Variants in PCDHGB5 observed in about 807,000 individuals in gnomAD.
PCDHGB5 encodes the protein protocadherin gamma subfamily B, 5.
PCDHGB5 carries 48 observed loss-of-function variants against 62.9 expected under a neutral mutation model. The observed-to-expected ratio is 0.76, with a 90% CI of 0.61 to 0.97. The LOEUF (loss-of-function observed/expected upper bound fraction) is 0.97, where lower values mean the gene tolerates loss of function less well. PCDHGB5 is among the 50% of genes least tolerant of loss of function. The probability of loss-of-function intolerance (pLI) is 0.00; values close to 1 mark genes in which losing one functional copy is unlikely to be tolerated. For synonymous variants in PCDHGB5, 474 were observed against 511.2 expected (o/e 0.93, Z 0.98); for missense variants, 1,118 against 1,198.6 (o/e 0.93, Z 0.99).
chr5:141,400,674 T>A, intron 1 of PCDHGB5, 150 bp downstream of exon 1: 1 of 917,906 alleles, frequency 1.1e-6, no homozygotes, highest in Non-Finnish European at 1.7e-6. Flanking sequence ...AGAGGAGCAG[T>A]AAATTGTGAG....
At chr5:141,472,455 G>A (rs191633108) in intron 1 of PCDHGB5, among the ~76,000 whole-genome samples, 2 of 151,972 alleles carry the variant, frequency 1.3e-5, no homozygotes, top group South Asian at 2.1e-4. Context: ...CAGGAGAATC[G>A]CTTGAACCCA....
At position 141,491,267 on chromosome 5, in the gene PCDHGB5, A is replaced by C. The variant is rs1376540913; in HGVS notation, c.2398-3540A>C. ...GATGAGGACCCTGAGGAAATGCCCA[A>C]ATCCAGTGACTTCCTCATACACCCT... On this transcript the variant is annotated intron_variant, in intron 1 of 3. Coordinates refer to ENST00000617380, the MANE Select transcript of PCDHGB5 (RefSeq NM_018925.3). This position sits in a 1 kb window ranked among gnomAD's most constrained non-coding sequence, Gnocchi z 6.9. The C allele has an allele frequency of 2.5e-6, 4 of 1,613,944 alleles. No individual in the cohort carries two copies. The highest frequency in any genetic ancestry group is 3.4e-6 in the Non-Finnish European group (4 of 1,179,936).
chr5:141,487,275 G>T lies in PCDHGB5; in HGVS notation c.2398-7532G>T, dbSNP rs747253888. 2.5e-6 allele frequency: 4 copies of T among 1,614,158 alleles called. No homozygotes were observed. The highest frequency in any genetic ancestry group is 1.1e-5 in the South Asian group (1 of 91,074). On this transcript the variant is annotated intron_variant, in intron 1 of 3. Coordinates refer to ENST00000617380, the MANE Select transcript of PCDHGB5 (RefSeq NM_018925.3). The surrounding 1 kb of genome is among the most constrained non-coding windows in gnomAD (Gnocchi z 5.0). ...TTGGCTGTGTCCCTAGTGGCAATTT[G>T]CTTTGTCTCCTTTGGCTCATTCGTG...
In PCDHGB5 at chr5:141,476,606, G is replaced by A; in HGVS notation, c.2398-18201G>A. 1 of 1,614,244 alleles carries A rather than the reference G, an allele frequency of 6.2e-7. No homozygotes were observed. Among genetic ancestry groups the A allele is most frequent in the Non-Finnish European group, 8.5e-7 (1 of 1,180,046 alleles). Reference sequence around the variant, plus strand: ...GCTCGAGAGCGCGCACGATCCCGATGTGGGAAGCAACTCTTTACAAACCTA... The same window carrying A: ...GCTCGAGAGCGCGCACGATCCCGATATGGGAAGCAACTCTTTACAAACCTA... On this transcript the variant is annotated intron_variant, in intron 1 of 3. Transcript: ENST00000617380. The surrounding 1 kb of genome is among the most constrained non-coding windows in gnomAD (Gnocchi z 7.6).
Position 141,486,314 on chromosome 5 carries a change from T to C in PCDHGB5, c.2398-8493T>C, listed in dbSNP as rs775833520. The C allele has an allele frequency of 4.5e-5, 72 of 1,613,758 alleles. No homozygotes were observed. The highest frequency in any genetic ancestry group is 5.9e-5 in the Non-Finnish European group (70 of 1,179,984). On this transcript the variant is annotated intron_variant, in intron 1 of 3. Transcript: ENST00000617380. This position sits in a 1 kb window ranked among gnomAD's most constrained non-coding sequence, Gnocchi z 5.0. ...CAGTGTGCAGGATCCAGACTCAGGG[T>C]CAAACGGAGATGTGAGCCTCCGCAT...
rs753954982 is a variant in PCDHGB5 at position 141,478,158 on chromosome 5, C to A, written c.2398-16649C>A. 9 of 1,613,936 alleles carry A rather than the reference C, an allele frequency of 5.6e-6. No individual in the cohort carries two copies. In the African/African-American group the frequency reaches 1.2e-4, roughly 22 times the overall value. On this transcript the variant is annotated intron_variant, in intron 1 of 3. Transcript: ENST00000617380. ...GCCCGAGCCGAGTTCCCCTCTGGCT[C>A]TGCCCCCCGGGAGCAGAAAAAAAAT...
rs367578838 is a variant in PCDHGB5, at chr5:141,432,537, C to A, written c.2397+32013C>A. The A allele has an allele frequency of 5.0e-6, 8 of 1,613,882 alleles. No individual in the cohort carries two copies. Among genetic ancestry groups the A allele is most frequent in the African/African-American group, 1.3e-5 (1 of 74,922 alleles). Reference sequence around the variant, plus strand: ...GGCTACCTGGTGACCAAGGTGGTGGCGGTGGACAGAGACTCCGGCCAGAAC... The same window carrying A: ...GGCTACCTGGTGACCAAGGTGGTGGAGGTGGACAGAGACTCCGGCCAGAAC... On this transcript the variant is annotated intron_variant, in intron 1 of 3. Coordinates refer to ENST00000617380, the MANE Select transcript of PCDHGB5 (RefSeq NM_018925.3). This position sits in a 1 kb window ranked among gnomAD's most constrained non-coding sequence, Gnocchi z 6.0.
rs770249472 is a variant in PCDHGB5, at chr5:141,477,747, C to T, written c.2398-17060C>T. On this transcript the variant is annotated intron_variant, in intron 1 of 3. Transcript: ENST00000617380. The surrounding 1 kb of genome is among the most constrained non-coding windows in gnomAD (Gnocchi z 4.9). ...ACAGCTCATATCAGCGATGGGGGCA[C>T]CCCGGTCCTAGCCACCAACATCAGC... 6.2e-7 allele frequency: 1 copy of T among 1,613,840 alleles called. No individual in the cohort carries two copies. The highest frequency in any genetic ancestry group is 1.7e-5 in the Admixed American group (1 of 60,026).
intron 1 of PCDHGB5, among the ~76,000 whole-genome samples, chr5:141,455,028 G>A (rs2098810519): frequency 6.6e-6 from 1 of 150,780 alleles, no homozygotes; most frequent in Non-Finnish European, 1.5e-5. Flanking sequence ...TAGCCAGGAT[G>A]GTCTCGATCT....
rs750928530 is a variant in PCDHGB5 at position 141,490,174 on chromosome 5, G to T, written c.2398-4633G>T. 1 of 1,614,056 alleles carries T rather than the reference G, an allele frequency of 6.2e-7. No individual in the cohort carries two copies. Among genetic ancestry groups the T allele is most frequent in the South Asian group, 1.1e-5 (1 of 91,086 alleles). ...TGTGTTGGGTCCCATAGACTTTGAG[G>T]AGTCACGTTTCTATGAAATTCATGC... On this transcript the variant is annotated intron_variant, in intron 1 of 3. Transcript: ENST00000617380. This position sits in a 1 kb window ranked among gnomAD's most constrained non-coding sequence, Gnocchi z 5.4.
rs770927016 is a variant in PCDHGB5, at chr5:141,400,032, C to T, written c.1905C>T (p.Arg635=). ...ARALGDRDAA[R]QRLLVAVRDG... Reference sequence around the variant, plus strand: ...CCTTGGGCGACAGGGACGCGGCCCGCCAGCGCCTGCTGGTTGCTGTGCGTG... The same window carrying T: ...CCTTGGGCGACAGGGACGCGGCCCGTCAGCGCCTGCTGGTTGCTGTGCGTG... The change falls in exon 1 of 4, where the codon CGC becomes CGT. Residue 635 remains arginine (R), a synonymous_variant. Transcript: ENST00000617380. 1 of 1,613,282 alleles carries T rather than the reference C, an allele frequency of 6.2e-7. No individual in the cohort carries two copies. Among genetic ancestry groups the T allele is most frequent in the Admixed American group, 1.7e-5 (1 of 60,012 alleles).
intron 1 of PCDHGB5, chr5:141,404,152 T>C (rs769503668): frequency 1.9e-5 from 31 of 1,612,848 alleles, no homozygotes; most frequent in Non-Finnish European, 2.0e-5. Flanking sequence ...CAGAAGAAGA[T>C]TATTACAGAT....
At chr5:141,420,160 T>G in intron 1 of PCDHGB5, 1 of 1,614,044 alleles carries the variant, frequency 6.2e-7, no homozygotes, top group Non-Finnish European at 8.5e-7. Flanking sequence ...AATTTAATTT[T>G]TTCACATCTG....
At chr5:141,482,074 A>G (rs1349748840) in intron 1 of PCDHGB5, among the ~76,000 whole-genome samples, 2 of 142,830 alleles carry the variant, frequency 1.4e-5, no homozygotes, top group Non-Finnish European at 3.0e-5. Context: ...AACAAGAACA[A>G]AACTCACTCC....
intron 1 of PCDHGB5, among the ~76,000 whole-genome samples, chr5:141,492,781 T>C (rs945023154): frequency 9.9e-5 from 15 of 152,194 alleles, no homozygotes; most frequent in African/African-American, 3.6e-4. Flanking sequence ...TGAGTGAGCC[T>C]CTATAGGACA....
chr5:141,475,984 G>A, intron 1 of PCDHGB5: 2 of 1,069,308 alleles, frequency 1.9e-6, no homozygotes, highest in Non-Finnish European at 2.7e-6. Flanking sequence ...AACAGCCGGC[G>A]AGCAAATCAA....
Position 141,413,696 on chromosome 5 carries a change from A to G in PCDHGB5, c.2397+13172A>G, listed in dbSNP as rs753150251. On this transcript the variant is annotated intron_variant, in intron 1 of 3. Coordinates refer to ENST00000617380, the MANE Select transcript of PCDHGB5 (RefSeq NM_018925.3). ...GTGGGCGTGAACTCCCTGCAGAGCTATCAGCTCAGCCCCAATAAGCACTTC... is the reference window on the plus strand; with the variant it reads ...GTGGGCGTGAACTCCCTGCAGAGCTGTCAGCTCAGCCCCAATAAGCACTTC... 3.1e-6 allele frequency: 5 copies of G among 1,613,522 alleles called. No homozygotes were observed. In the Admixed American group the frequency reaches 6.7e-5, roughly 22 times the overall value.
In PCDHGB5 at chr5:141,432,688, A is replaced by T; in HGVS notation, c.2397+32164A>T. 1 of 1,613,896 alleles carries T rather than the reference A, an allele frequency of 6.2e-7. No homozygotes were observed. The highest frequency in any genetic ancestry group is 1.1e-5 in the South Asian group (1 of 91,078). ...GAGACGCGCTCAAGCAGAGCCTCGTAGTGGCCGTCCAGGACCACGGCCAGC... is the reference window on the plus strand; with the variant it reads ...GAGACGCGCTCAAGCAGAGCCTCGTTGTGGCCGTCCAGGACCACGGCCAGC... On this transcript the variant is annotated intron_variant, in intron 1 of 3. Transcript: ENST00000617380. This position sits in a 1 kb window ranked among gnomAD's most constrained non-coding sequence, Gnocchi z 6.0.
intron 1 of PCDHGB5, among the ~76,000 whole-genome samples, chr5:141,492,622 C>A (rs2099742615): frequency 6.6e-6 from 1 of 152,218 alleles, no homozygotes; most frequent in South Asian, 2.1e-4. Flanking sequence ...GCCGGGCGGG[C>A]AGGACTCTAC....
Sources: allele counts gnomAD v4.1 joint callset (sites outside exome capture counted in the v4.1 genomes callset), GRCh38; gene constraint gnomAD v4.1.1; non-coding constraint Gnocchi (gnomAD v3.1); transcripts MANE v1.5; gene names NCBI Gene and HGNC (gene_info 2026-07-23, HGNC 2026-07-21).